GRIP1: variants seen among roughly 807,000 people sequenced by gnomAD.
GRIP1 encodes the protein glutamate receptor-interacting protein 1.
In GRIP1, 45 loss-of-function variants were observed where a neutral mutation model predicts 129.9. The ratio of observed to expected loss-of-function variants is 0.35; its 90% CI spans 0.27 to 0.44. The LOEUF (loss-of-function observed/expected upper bound fraction) is 0.44. GRIP1 is among the 20% of genes least tolerant of loss of function. GRIP1 has a pLI of 1.00. For synonymous variants in GRIP1, 530 were observed against 520.8 expected, an observed-to-expected ratio of 1.02 and a Z score of -0.24; for missense variants, 1,196 against 1,396.8, an observed-to-expected ratio of 0.86 and a Z score of 2.29.
chr12:66,616,182 T>C (rs936076494), intron 1 of GRIP1, among the ~76,000 whole-genome samples: 7 of 152,126 alleles, frequency 4.6e-5, no homozygotes, highest in Non-Finnish European at 8.8e-5. Context: ...TGCAGCCCCC[T>C]TGAGTACCTA....
In GRIP1 at chr12:66,726,332, C is replaced by T. The variant is rs569078673; in HGVS notation, c.-420+77721G>A. Among the ~76,000 whole-genome samples the T allele has an allele frequency of 9.9e-5, 15 of 152,168 alleles. No homozygotes were observed. In the South Asian group the frequency reaches 2.1e-3, roughly 21 times the overall value. On this transcript the variant is annotated intron_variant, in intron 1 of 4. Coordinates refer to the GRIP1 transcript ENST00000538373. ...CACTAGTTTGAATAACTTTGTATTA[C>T]AAAACTGTAGAATATGTAAAATTAT...
At chr12:66,678,240 A>C (rs1266194770) in intron 1 of GRIP1, among the ~76,000 whole-genome samples, 1 of 152,160 alleles carries the variant, frequency 6.6e-6, no homozygotes, top group African/African-American at 2.4e-5. Context: ...TGAAGCTGGT[A>C]ATTCTTGATG....
At chr12:66,939,883 G>A (rs774390313) in intron 1 of GRIP1, among the ~76,000 whole-genome samples, 1 of 152,102 alleles carries the variant, frequency 6.6e-6, no homozygotes, top group Non-Finnish European at 1.5e-5. Context: ...AACAAAATGT[G>A]CATATGACAC....
At chr12:66,874,481 G>C (rs143860251) in intron 1 of GRIP1, among the ~76,000 whole-genome samples, 4,453 of 152,058 alleles carry the variant, frequency 0.029, 127 homozygotes, top group African/African-American at 0.07. Context: ...AAATACCTGA[G>C]ACTGAGTAAT....
chr12:66,710,760 T>G (rs1263163356), intron 1 of GRIP1, among the ~76,000 whole-genome samples: 1 of 151,916 alleles, frequency 6.6e-6, no homozygotes, highest in Non-Finnish European at 1.5e-5. Flanking sequence ...ATTTAAAATA[T>G]TCATGCAATT....
intron 1 of GRIP1, among the ~76,000 whole-genome samples, chr12:66,617,047 C>T (rs2065068026): frequency 6.7e-6 from 1 of 149,802 alleles, no homozygotes; most frequent in African/African-American, 2.5e-5. Flanking sequence ...GGTTGTTTCC[C>T]TAAGAGTTAG....
chr12:66,467,573 C>T (rs555707556), intron 7 of GRIP1, among the ~76,000 whole-genome samples: 1 of 152,324 alleles, frequency 6.6e-6, no homozygotes, highest in Admixed American at 6.5e-5. Flanking sequence ...TCCCCGCAGC[C>T]TCTGTTTTAG....
At chr12:66,647,686 A>AT (rs544530361) in intron 1 of GRIP1, among the ~76,000 whole-genome samples, 98 of 152,360 alleles carry the variant, frequency 6.4e-4, no homozygotes, top group Middle Eastern at 3.4e-3. Context: ...ATCCAACATC[A>AT]CATATTCTTA....
At chr12:66,814,733 CTATAGTT>C (rs1225535084) in intron 1 of GRIP1, among the ~76,000 whole-genome samples, 5 of 152,018 alleles carry the variant, frequency 3.3e-5, no homozygotes, top group Middle Eastern at 3.4e-3. Context: ...ATACCCGAGA[CTATAGTT>C]TATATTTAAC....
intron 1 of GRIP1, among the ~76,000 whole-genome samples, chr12:66,628,277 G>A (rs1052424505): frequency 3.3e-5 from 5 of 152,126 alleles, no homozygotes; most frequent in Non-Finnish European, 7.4e-5. Flanking sequence ...CACTGTGCCT[G>A]TTAGAGGGAA....
intron 1 of GRIP1, among the ~76,000 whole-genome samples, chr12:66,745,501 T>C (rs1451855742): frequency 6.6e-6 from 1 of 152,156 alleles, no homozygotes; most frequent in Non-Finnish European, 1.5e-5. Context: ...AAGACAATGT[T>C]TTTGTTCTTG....
chr12:66,734,961 A>G (rs1257238178), intron 1 of GRIP1, among the ~76,000 whole-genome samples: 1 of 152,218 alleles, frequency 6.6e-6, no homozygotes, highest in African/African-American at 2.4e-5. Context: ...AAATTTATTG[A>G]GCATGAAGTG....
chr12:67,022,438 C>T (rs1200888372), intron 1 of GRIP1, among the ~76,000 whole-genome samples: 1 of 152,052 alleles, frequency 6.6e-6, no homozygotes, highest in Admixed American at 6.6e-5. Flanking sequence ...CTTTTATTTT[C>T]CTTTTATATA....
At chr12:66,448,522 T>C (rs1419266803) in intron 11 of GRIP1, among the ~76,000 whole-genome samples, 8 of 152,070 alleles carry the variant, frequency 5.3e-5, no homozygotes, top group African/African-American at 9.7e-5. Flanking sequence ...TGTCAAACTT[T>C]CCGGATATGA....
rs1555229372 is a variant in GRIP1 at position 66,714,920 on chromosome 12, CATCCA to C, written c.-419-84589_-419-84585del. On this transcript the variant is annotated intron_variant, in intron 1 of 4. Transcript: ENST00000538373. ...CCATCCATCCATCCATCCATCCATC[CATCCA>C]ATCCAATCCAATCCAATCCAATCCA... 3.8e-3 allele frequency among the ~76,000 whole-genome samples: 252 copies of C among 66,150 alleles called. 2 individuals are homozygous for C. The highest frequency in any genetic ancestry group is 0.011 in the African/African-American group (205 of 17,980). The allele number at this position is 66,150 out of a possible 152,430, so 43.4% of individuals were successfully genotyped here.
chr12:66,841,872 C>T (rs903175905), intron 1 of GRIP1, among the ~76,000 whole-genome samples: 4 of 152,032 alleles, frequency 2.6e-5, no homozygotes, highest in Non-Finnish European at 5.9e-5. Flanking sequence ...TTTACAAAGG[C>T]AAAGTAGGCA....
At chr12:66,565,984 T>TTA (rs2062741937) in intron 2 of GRIP1, among the ~76,000 whole-genome samples, 1 of 152,228 alleles carries the variant, frequency 6.6e-6, no homozygotes, top group African/African-American at 2.4e-5. Context: ...ATCCTGAGAC[T>TTA]TTGCTGAAGT....
intron 2 of GRIP1, among the ~76,000 whole-genome samples, chr12:66,546,780 T>C (rs2061960100): frequency 6.6e-6 from 1 of 152,082 alleles, no homozygotes; most frequent in Non-Finnish European, 1.5e-5. Flanking sequence ...AACCATAATA[T>C]TATAGAAACT....
At chr12:66,920,540 A>G (rs940573919) in intron 1 of GRIP1, among the ~76,000 whole-genome samples, 1 of 152,184 alleles carries the variant, frequency 6.6e-6, no homozygotes, top group Admixed American at 6.5e-5. Context: ...TGGAGGGAAA[A>G]GGACCATCAA....
Sources: gnomAD v4.1 joint callset for allele counts (sites outside exome capture counted in the v4.1 genomes callset) on GRCh38, gnomAD v4.1.1 for gene constraint, MANE v1.5 for transcripts, NCBI Gene and HGNC (gene_info 2026-07-23, HGNC 2026-07-21) for gene names.